FANCC: variants seen among roughly 807,000 people sequenced by gnomAD.
FANCC encodes the protein FA complementation group C, also known as Fanconi anemia group C protein.
FANCC carries 55 observed loss-of-function variants against 71.3 expected under a neutral mutation model. The ratio of observed to expected loss-of-function variants is 0.77; its 90% CI spans 0.62 to 0.97. FANCC has a LOEUF of 0.97. Ranked by LOEUF, FANCC falls within the 50% of genes least tolerant of loss-of-function variation. FANCC has a pLI of 0.00. For missense variants in FANCC, 678 were observed against 670.9 expected (o/e 1.01, Z -0.12); for synonymous variants, 275 against 244.9 (o/e 1.12, Z -1.15).
intron 12 of FANCC, among the ~76,000 whole-genome samples, chr9:95,111,872 C>A (rs2071968095): frequency 6.6e-6 from 1 of 152,142 alleles, no homozygotes; most frequent in East Asian, 1.9e-4. Context: ...GGCCTTTGGA[C>A]ATCGGAGTCT....
chr9:95,244,696 A>C (rs1278305974), intron 3 of FANCC, among the ~76,000 whole-genome samples: 1 of 148,046 alleles, frequency 6.8e-6, no homozygotes, highest in Non-Finnish European at 1.5e-5. Flanking sequence ...AAAAAAAAAA[A>C]AAAAAAAAAA....
intron 4 of FANCC, among the ~76,000 whole-genome samples, chr9:95,183,515 G>C (rs576229852): frequency 1.3e-5 from 2 of 152,218 alleles, no homozygotes; most frequent in Non-Finnish European, 2.9e-5. Context: ...TGTTATAGGA[G>C]AACACAACAA....
intron 14 of FANCC, among the ~76,000 whole-genome samples, chr9:95,102,959 C>G (rs2071177953): frequency 6.6e-6 from 1 of 152,186 alleles, no homozygotes; most frequent in African/African-American, 2.4e-5. Flanking sequence ...CCGGCTGTAG[C>G]CCAGGCACGT....
intron 8 of FANCC, 111 bp downstream of exon 8, chr9:95,135,235 G>A: frequency 1.9e-6 from 2 of 1,045,126 alleles, no homozygotes; most frequent in Non-Finnish European, 3.0e-6. Context: ...TATATATAAA[G>A]GTTCCAATTG....
chr9:95,126,619 CA>C, intron 8 of FANCC, 38 bp from the exon 9 acceptor site: 1 of 1,603,670 alleles, frequency 6.2e-7, no homozygotes. Context: ...TGAAATATCA[CA>C]AGCACTTTCT....
Position 95,111,727 on chromosome 9 carries a change from G to A in FANCC, c.1155-90C>T, listed in dbSNP as rs576196233. 1.7e-5 allele frequency: 26 copies of A among 1,500,946 alleles called. No individual in the cohort carries two copies. In the Middle Eastern group the frequency reaches 1.4e-3, roughly 79 times the overall value. 93.0% of individuals were successfully genotyped at this position (1,500,946 alleles called of 1,614,324 possible). On this transcript the variant is annotated intron_variant, in intron 12 of 14. Coordinates refer to ENST00000289081, the MANE Select transcript of FANCC (RefSeq NM_000136.3). The stretch of plus-strand genomic sequence containing the variant: ...GCAACTTTAACGTTTGCCAACGGTT[G>A]GCTTAAATTGTACTTATCCACTGAA...
chr9:95,125,802 G>C (rs1825891080), intron 9 of FANCC, among the ~76,000 whole-genome samples: 1 of 152,222 alleles, frequency 6.6e-6, no homozygotes, highest in African/African-American at 2.4e-5. Context: ...CTGTGTGTTA[G>C]GTGGGAGGGG....
chr9:95,214,596 G>A (rs1828732828), intron 4 of FANCC, among the ~76,000 whole-genome samples: 1 of 152,088 alleles, frequency 6.6e-6, no homozygotes. Flanking sequence ...AACTGTAGAG[G>A]CAACCCAAGT....
intron 1 of FANCC, among the ~76,000 whole-genome samples, chr9:95,261,480 A>C (rs927057086): frequency 6.6e-6 from 1 of 152,246 alleles, no homozygotes; most frequent in Non-Finnish European, 1.5e-5. Flanking sequence ...CTGAAAACTC[A>C]GGATGTTAAC....
In FANCC at chr9:95,123,322, A is replaced by C. The variant is rs1388443547; in HGVS notation, c.996+1764T>G. On this transcript the variant is annotated intron_variant, in intron 10 of 14. Transcript: ENST00000289081. ...CTGTCTCAAAAAATAAAATAAAATA[A>C]AAATATATTTATTGTTGCTTTAAAA... The C allele has an allele frequency of 1.3e-5, 4 of 301,684 alleles. 1 individual carries two copies. The Admixed American group carries it at 1.9e-4, about 14-fold the overall frequency. The allele number at this position is 301,684 out of a possible 1,614,324, so 18.7% of individuals were successfully genotyped here.
chr9:95,135,849 AT>A, intron 7 of FANCC, among the ~76,000 whole-genome samples: 1 of 152,346 alleles, frequency 6.6e-6, no homozygotes, highest in South Asian at 2.1e-4. Flanking sequence ...AGAAATAGGC[AT>A]GTTCAAACAC....
At chr9:95,134,605 G>A (rs1345518404) in intron 8 of FANCC, among the ~76,000 whole-genome samples, 1 of 152,250 alleles carries the variant, frequency 6.6e-6, no homozygotes, top group Non-Finnish European at 1.5e-5. Context: ...CGGGACCATG[G>A]CACCTGCAGG....
intron 4 of FANCC, among the ~76,000 whole-genome samples, chr9:95,227,733 G>A (rs188048691): frequency 1.3e-5 from 2 of 152,226 alleles, no homozygotes; most frequent in East Asian, 1.9e-4. Flanking sequence ...TCTTTACTAC[G>A]GGCCAAGTGG....
intron 6 of FANCC, among the ~76,000 whole-genome samples, chr9:95,157,020 CT>C (rs1830491806): frequency 1.3e-5 from 2 of 152,186 alleles, no homozygotes; most frequent in African/African-American, 2.4e-5. Flanking sequence ...ACCTATGAAT[CT>C]AAGTTTCTAA....
chr9:95,115,765 G>A (rs1023078225), intron 11 of FANCC, among the ~76,000 whole-genome samples: 4 of 152,192 alleles, frequency 2.6e-5, no homozygotes, highest in Admixed American at 2.6e-4. Flanking sequence ...GGCCCTTGGT[G>A]CACAGCCTTT....
chr9:95,184,089 C>A (rs1826555873), intron 4 of FANCC, among the ~76,000 whole-genome samples: 1 of 151,818 alleles, frequency 6.6e-6, no homozygotes, highest in South Asian at 2.1e-4. Context: ...AATACTTGTG[C>A]CCGAATGCTG....
chr9:95,140,269 C>A (rs1468610350), intron 7 of FANCC, among the ~76,000 whole-genome samples: 2 of 152,028 alleles, frequency 1.3e-5, no homozygotes, highest in Non-Finnish European at 2.9e-5. Context: ...GCCAGGGAAG[C>A]CTGGACAGGA....
At chr9:95,192,355 G>A (rs1043974835) in intron 4 of FANCC, among the ~76,000 whole-genome samples, 1 of 152,192 alleles carries the variant, frequency 6.6e-6, no homozygotes, top group African/African-American at 2.4e-5. Context: ...GGTACTTTCA[G>A]TTGAAACTTG....
intron 4 of FANCC, among the ~76,000 whole-genome samples, chr9:95,231,356 G>A (rs1339494413): frequency 6.6e-6 from 1 of 152,176 alleles, no homozygotes; most frequent in Non-Finnish European, 1.5e-5. Flanking sequence ...AGGTGACAGG[G>A]GTCCCTGGAG....
Sources: allele counts gnomAD v4.1 joint callset (sites outside exome capture counted in the v4.1 genomes callset), GRCh38; gene constraint gnomAD v4.1.1; transcripts MANE v1.5; gene names NCBI Gene and HGNC (gene_info 2026-07-23, HGNC 2026-07-21).